RAD50: variants seen among roughly 807,000 people sequenced by gnomAD.
RAD50 encodes DNA repair protein RAD50.
A neutral mutation model predicts 168.8 loss-of-function variants in RAD50; 132 were observed. The ratio of observed to expected loss-of-function variants is 0.78; its 90% CI spans 0.68 to 0.90. The LOEUF is 0.90. RAD50 is among the 40% of genes least tolerant of loss of function. RAD50 has a pLI of 0.00. For missense variants in RAD50, 1,347 were observed against 1,534.4 expected (o/e 0.88, Z 2.04); for synonymous variants, 525 against 497.4 (o/e 1.06, Z -0.74).
At chr5:132,578,510 TA>T (rs1750439712) in intron 3 of RAD50, among the ~76,000 whole-genome samples, 1 of 150,006 alleles carries the variant, frequency 6.7e-6, no homozygotes, top group Non-Finnish European at 1.5e-5. Flanking sequence ...TTCAGTATAA[TA>T]TTTTTTTTCT....
At chr5:132,591,534 G>A in intron 10 of RAD50, 128 bp downstream of exon 10, 1 of 906,466 alleles carries the variant, frequency 1.1e-6, no homozygotes, top group South Asian at 1.5e-5. Context: ...AGTGAGCTTA[G>A]TACTCTATAT....
intron 12 of RAD50, chr5:132,595,339 G>A (rs1750770700): frequency 1.9e-6 from 1 of 515,894 alleles, no homozygotes; most frequent in African/African-American, 1.9e-5. Context: ...GCTCTCAGTA[G>A]GCATTTTGTT....
At chr5:132,628,635 C>T (rs1239499325) in intron 21 of RAD50, among the ~76,000 whole-genome samples, 3 of 152,066 alleles carry the variant, frequency 2.0e-5, no homozygotes, top group Non-Finnish European at 4.4e-5. Context: ...CACCTGAAGT[C>T]AGGAGTTCGA....
At chr5:132,608,101 C>T (rs1043619441) in intron 16 of RAD50, among the ~76,000 whole-genome samples, 1 of 152,166 alleles carries the variant, frequency 6.6e-6, no homozygotes, top group African/African-American at 2.4e-5. Flanking sequence ...GAAATATCTG[C>T]GTAGCCTTAG....
At chr5:132,558,330 TC>T (rs1247432503) in intron 1 of RAD50, among the ~76,000 whole-genome samples, 2 of 152,218 alleles carry the variant, frequency 1.3e-5, no homozygotes, top group Non-Finnish European at 2.9e-5. Context: ...TACAGCTTTT[TC>T]GCTTCATTTA....
chr5:132,606,290 T>C (rs1449149903), intron 16 of RAD50, among the ~76,000 whole-genome samples: 1 of 152,052 alleles, frequency 6.6e-6, no homozygotes, highest in Non-Finnish European at 1.5e-5. Context: ...ATAAAGGGGA[T>C]ATCACCACCC....
Position 132,643,798 on chromosome 5 carries a change from C to T in RAD50, c.*1434C>T, listed in dbSNP as rs1751793834. On this transcript the variant is annotated 3_prime_UTR_variant, in exon 25 of 25. Coordinates refer to ENST00000378823, the MANE Select transcript of RAD50 (RefSeq NM_005732.4). ...ATTCTAGTCATATATTAAACATCCA[C>T]AATAACCAAGATATTTTTATCCCAA... The T allele has an allele frequency of 8.7e-6, 2 of 230,308 alleles. No individual in the cohort carries two copies. Among genetic ancestry groups the T allele is most frequent in the Non-Finnish European group, 1.7e-5 (2 of 116,370 alleles). The allele number at this position is 230,308 out of a possible 1,614,324, so 14.3% of individuals were successfully genotyped here. A position where few individuals can be genotyped will look rare whatever the true frequency, so the allele number is the denominator to read the frequency against.
chr5:132,604,437 T>A (rs1750945204), intron 15 of RAD50, among the ~76,000 whole-genome samples: 1 of 152,136 alleles, frequency 6.6e-6, no homozygotes, highest in South Asian at 2.1e-4. Flanking sequence ...AGCTAATTTT[T>A]GTATTTTTTC....
In RAD50 at chr5:132,588,820, T is replaced by C; in HGVS notation, c.1185T>C (p.Asn395=). The C allele has an allele frequency of 1.2e-6, 2 of 1,613,998 alleles. No homozygotes were observed. The highest frequency in any genetic ancestry group is 1.7e-6 in the Non-Finnish European group (2 of 1,179,948). ...CATTCAGTGAAAGACAGATTAAAAATTTTCACAAACTTGTGAGAGAGAGAC... is the reference window on the plus strand; with the variant it reads ...CATTCAGTGAAAGACAGATTAAAAACTTTCACAAACTTGTGAGAGAGAGAC... ...RGPFSERQIK[N]FHKLVRERQE... Residue 395 remains asparagine (N), a synonymous_variant, in exon 8 of 25, where the codon AAT becomes AAC. Coordinates refer to ENST00000378823, the MANE Select transcript of RAD50 (RefSeq NM_005732.4).
At chr5:132,588,990 T>G (rs928862708) in intron 8 of RAD50, 110 bp downstream of exon 8, 44 of 1,197,290 alleles carry the variant, frequency 3.7e-5, no homozygotes, top group Non-Finnish European at 4.5e-5. Context: ...CTATTAGTGT[T>G]AGGATAAAAT....
At chr5:132,576,004 C>A in intron 3 of RAD50, 76 bp downstream of exon 3, 1 of 1,398,264 alleles carries the variant, frequency 7.2e-7, no homozygotes, top group Non-Finnish European at 9.7e-7. Flanking sequence ...TTGTTTTCTA[C>A]TATAAGTTTA....
In RAD50 at chr5:132,594,878, A is replaced by G. The variant is rs786203733; in HGVS notation, c.1803A>G (p.Leu601=). The G allele has an allele frequency of 1.9e-6, 3 of 1,601,958 alleles. No homozygotes were observed. Among genetic ancestry groups the G allele is most frequent in the African/African-American group, 2.7e-5 (2 of 74,628 alleles). Reference sequence around the variant, plus strand: ...TTTGCTCTTATTTTAGCAAGGAACTAGCTTCATCTGAGCAGAATAAAAATC... The same window carrying G: ...TTTGCTCTTATTTTAGCAAGGAACTGGCTTCATCTGAGCAGAATAAAAATC... ...RDRLAKLNKE[L]ASSEQNKNHI... is the part of the protein sequence containing the mutation. Residue 601 remains leucine (L), a synonymous_variant, in exon 12 of 25, where the codon CTA becomes CTG. Transcript: ENST00000378823.
chr5:132,588,131 G>A (rs1293838086), intron 7 of RAD50, 42 bp downstream of exon 7: 11 of 1,566,494 alleles, frequency 7.0e-6, no homozygotes, highest in African/African-American at 1.4e-5. Flanking sequence ...CTACTATGAT[G>A]TTATACATTT....
rs1750711522 is a variant in RAD50 at position 132,592,036 on chromosome 5, T to C, written c.1793+2T>C. 6.2e-7 allele frequency: 1 copy of C among 1,608,614 alleles called. No individual in the cohort carries two copies. Among genetic ancestry groups the C allele is most frequent in the African/African-American group, 1.3e-5 (1 of 74,770 alleles). On this transcript the variant is annotated splice_donor_variant, in intron 11 of 24. Transcript: ENST00000378823. LOFTEE classifies it high-confidence loss of function. ...CAGGGACAGACTTGCCAAATTGAAG[T>C]AAGTTGCAACATTTGGAGATGTAAT...
intron 22 of RAD50, 120 bp from the exon 23 acceptor site, chr5:132,637,961 A>G (rs1751625007): frequency 1.7e-6 from 2 of 1,172,862 alleles, no homozygotes; most frequent in Non-Finnish European, 2.5e-6. Context: ...CACACCAGCC[A>G]TTGTTTTCCT....
intron 21 of RAD50, among the ~76,000 whole-genome samples, chr5:132,623,106 C>T (rs560442625): frequency 6.6e-6 from 1 of 152,268 alleles, no homozygotes; most frequent in African/African-American, 2.4e-5. Flanking sequence ...CACTTCTAAT[C>T]TTCTTCCTTA....
intron 8 of RAD50, among the ~76,000 whole-genome samples, chr5:132,589,294 A>T (rs557705469): frequency 2.6e-5 from 4 of 152,176 alleles, no homozygotes; most frequent in African/African-American, 7.2e-5. Flanking sequence ...CTGTGTTTAG[A>T]TATGTTTAGA....
intron 14 of RAD50, among the ~76,000 whole-genome samples, chr5:132,603,706 T>G (rs1750929015): frequency 6.6e-6 from 1 of 152,228 alleles, no homozygotes; most frequent in Non-Finnish European, 1.5e-5. Flanking sequence ...CAGTTCTGTT[T>G]GTTTTTCATC....
At chr5:132,628,563 C>G (rs1327706881) in intron 21 of RAD50, among the ~76,000 whole-genome samples, 1 of 151,810 alleles carries the variant, frequency 6.6e-6, no homozygotes, top group East Asian at 1.9e-4. Flanking sequence ...ATGGAGACAG[C>G]AGCCGGGCAC....
Sources: allele counts gnomAD v4.1 joint callset (sites outside exome capture counted in the v4.1 genomes callset), GRCh38; gene constraint gnomAD v4.1.1; transcripts MANE v1.5; gene names NCBI Gene and HGNC (gene_info 2026-07-23, HGNC 2026-07-21).